Variants in MAML2 observed in about 807,000 individuals in gnomAD.
MAML2 encodes the protein mastermind-like protein 2.
In MAML2, 22 loss-of-function variants were observed where a neutral mutation model predicts 96.1. The observed-to-expected ratio is 0.23, with a 90% confidence interval of 0.16 to 0.33. The LOEUF is 0.33. Among genes scored for constraint, MAML2 ranks in the 10% least tolerant of loss-of-function variants. The pLI is 1.00. For missense variants in MAML2, 1,367 were observed against 1,392.4 expected, an observed-to-expected ratio of 0.98 and a Z score of 0.29; for synonymous variants, 561 against 521.3, an observed-to-expected ratio of 1.08 and a Z score of -1.04.
At chr11:96,337,845 GA>G (rs1451474336) in intron 1 of MAML2, among the ~76,000 whole-genome samples, 5 of 152,202 alleles carry the variant, frequency 3.3e-5, no homozygotes, top group African/African-American at 4.8e-5. Flanking sequence ...AGCTTGTTCA[GA>G]AAAACACGCT....
chr11:96,020,771 T>C (rs1291698778), intron 2 of MAML2, among the ~76,000 whole-genome samples: 2 of 152,210 alleles, frequency 1.3e-5, no homozygotes, highest in Non-Finnish European at 2.9e-5. Context: ...AAAACAGGAA[T>C]TTTAAGTCTT....
intron 2 of MAML2, among the ~76,000 whole-genome samples, chr11:96,002,681 GGGATGGTGGGGAGC>G (rs1275951105): frequency 3.2e-5 from 3 of 94,674 alleles, no homozygotes; most frequent in East Asian, 9.1e-4. Context: ...AATAATGATG[GGGATGGTGGGGAGC>G]ATGATGGGGA....
At chr11:96,116,740 A>G (rs760972980) in intron 1 of MAML2, among the ~76,000 whole-genome samples, 1 of 152,190 alleles carries the variant, frequency 6.6e-6, no homozygotes, top group Non-Finnish European at 1.5e-5. Flanking sequence ...TATGGTGATG[A>G]TTCATATGTA....
At chr11:96,075,139 T>C (rs1258290350) in intron 2 of MAML2, among the ~76,000 whole-genome samples, 2 of 152,224 alleles carry the variant, frequency 1.3e-5, no homozygotes, top group Non-Finnish European at 2.9e-5. Context: ...ATACATAGAT[T>C]CCCTAGAGAG....
chr11:96,318,348 G>A (rs1163329983), intron 1 of MAML2, among the ~76,000 whole-genome samples: 1 of 152,110 alleles, frequency 6.6e-6, no homozygotes, highest in African/African-American at 2.4e-5. Context: ...ACTAAAATCC[G>A]ATATGATCGG....
At chr11:96,128,487 T>C (rs7945959) in intron 1 of MAML2, among the ~76,000 whole-genome samples, 52,507 of 152,084 alleles carry the variant, frequency 0.35, 9,209 homozygotes, top group African/African-American at 0.38. Flanking sequence ...TATCATCATA[T>C]ACATATCAAC....
At chr11:96,032,857 C>T (rs779346433) in intron 2 of MAML2, among the ~76,000 whole-genome samples, 1 of 152,144 alleles carries the variant, frequency 6.6e-6, no homozygotes. Flanking sequence ...AGGGATACAC[C>T]AGCAGTTGCC....
chr11:96,170,801 G>A (rs185877008), intron 1 of MAML2, among the ~76,000 whole-genome samples: 128 of 152,154 alleles, frequency 8.4e-4, no homozygotes, highest in Non-Finnish European at 1.8e-3. Context: ...TGCAAGCTCC[G>A]CCTCCCGGGT....
intron 1 of MAML2, among the ~76,000 whole-genome samples, chr11:96,112,872 A>G (rs1266615769): frequency 2.6e-5 from 4 of 152,236 alleles, no homozygotes. Context: ...AAGGCAAGAA[A>G]GAAAGTGTGA....
rs1465792211 is a variant in MAML2 at position 95,991,682 on chromosome 11, T to C, written c.2181A>G (p.Pro727=). 17 of 1,613,778 alleles carry C rather than the reference T, an allele frequency of 1.1e-5. No individual in the cohort carries two copies. Among genetic ancestry groups the C allele is most frequent in the Non-Finnish European group, 1.2e-5 (14 of 1,179,732 alleles). Residue 727 remains proline, a synonymous_variant, in exon 3 of 5, where the codon CCA becomes CCG. Coordinates refer to ENST00000524717, the MANE Select transcript of MAML2 (RefSeq NM_032427.4). ...TTGGATTTGAGCAGGGGTTAGGACT[T>C]GGACTGGGGCCTGTGTTCTGGCCTA... ...SVVGQNTGPS[P]SPNPCSNPNT...
intron 1 of MAML2, among the ~76,000 whole-genome samples, chr11:96,248,894 C>G (rs1179335547): frequency 1.3e-5 from 2 of 152,180 alleles, no homozygotes; most frequent in Admixed American, 1.3e-4. Context: ...GTTAAATATT[C>G]AAGAACTTTG....
chr11:96,204,516 A>G (rs981279011), intron 1 of MAML2, among the ~76,000 whole-genome samples: 1 of 152,240 alleles, frequency 6.6e-6, no homozygotes, highest in Non-Finnish European at 1.5e-5. Flanking sequence ...GCTGACACAC[A>G]GCCTTTACCA....
intron 2 of MAML2, among the ~76,000 whole-genome samples, chr11:96,063,372 G>C (rs1046260304): frequency 6.6e-6 from 1 of 152,186 alleles, no homozygotes; most frequent in African/African-American, 2.4e-5. Context: ...GTTAGGGGCT[G>C]TCTCTGCCTT....
At chr11:96,040,537 C>T (rs1858790729) in intron 2 of MAML2, among the ~76,000 whole-genome samples, 1 of 152,116 alleles carries the variant, frequency 6.6e-6, no homozygotes, top group South Asian at 2.1e-4. Context: ...GAGGCCGAGG[C>T]GGGTGGATCA....
At chr11:96,284,174 G>T (rs753288183) in intron 1 of MAML2, among the ~76,000 whole-genome samples, 1 of 152,126 alleles carries the variant, frequency 6.6e-6, no homozygotes, top group Non-Finnish European at 1.5e-5. Flanking sequence ...GCCATTTCTT[G>T]ATGTGTACCA....
intron 1 of MAML2, among the ~76,000 whole-genome samples, chr11:96,162,433 G>T (rs1861123718): frequency 6.6e-6 from 1 of 151,920 alleles, no homozygotes; most frequent in Non-Finnish European, 1.5e-5. Flanking sequence ...AAAAAGATAG[G>T]CTGGGCACGG....
At chr11:96,175,950 T>C (rs749234945) in intron 1 of MAML2, among the ~76,000 whole-genome samples, 1 of 152,210 alleles carries the variant, frequency 6.6e-6, no homozygotes, top group Non-Finnish European at 1.5e-5. Context: ...AAATATAGGT[T>C]GCCTCTAATT....
At chr11:96,091,859 G>A (rs748677641) in intron 2 of MAML2, 33 bp downstream of exon 2, 11 of 1,592,708 alleles carry the variant, frequency 6.9e-6, no homozygotes, top group Non-Finnish European at 9.4e-6. Context: ...ATGGTCTCTG[G>A]GAACTCTGTA....
intron 2 of MAML2, among the ~76,000 whole-genome samples, chr11:96,023,148 T>C (rs1359456140): frequency 6.6e-6 from 1 of 152,200 alleles, no homozygotes; most frequent in Non-Finnish European, 1.5e-5. Flanking sequence ...GGACGATCCC[T>C]GGCAGGCCAC....
Sources: gnomAD v4.1 joint callset for allele counts (sites outside exome capture counted in the v4.1 genomes callset) on GRCh38, gnomAD v4.1.1 for gene constraint, MANE v1.5 for transcripts, NCBI Gene and HGNC (gene_info 2026-07-23, HGNC 2026-07-21) for gene names.